Variants in NCK1 observed in about 807,000 individuals in gnomAD.
NCK1 encodes the protein NCK adaptor protein 1.
NCK1 carries 19 observed loss-of-function variants against 36.6 expected under a neutral mutation model. That is an observed-to-expected ratio of 0.52 (90% CI 0.36 to 0.76). NCK1 has a LOEUF of 0.76. Among genes scored for constraint, NCK1 ranks in the 30% least tolerant of loss-of-function variants. The pLI is 0.00. For synonymous variants in NCK1, 165 were observed against 156.0 expected, an observed-to-expected ratio of 1.06 and a Z score of -0.43; for missense variants, 358 against 445.6, an observed-to-expected ratio of 0.80 and a Z score of 1.77.
At chr3:136,927,773 C>T (rs1466661624) in intron 1 of NCK1, among the ~76,000 whole-genome samples, 1 of 152,096 alleles carries the variant, frequency 6.6e-6, no homozygotes, top group African/African-American at 2.4e-5. Flanking sequence ...CCTGCCTTGG[C>T]CTCCCAAAGT....
intron 1 of NCK1, among the ~76,000 whole-genome samples, chr3:136,922,212 C>A (rs935976124): frequency 6.6e-6 from 1 of 152,168 alleles, no homozygotes; most frequent in Non-Finnish European, 1.5e-5. Flanking sequence ...TTAGGCCCAC[C>A]AATGTTTGGC....
chr3:136,904,117 T>C (rs938194892), intron 1 of NCK1, among the ~76,000 whole-genome samples: 1 of 152,160 alleles, frequency 6.6e-6, no homozygotes, highest in African/African-American at 2.4e-5. Flanking sequence ...CTGGGTATAG[T>C]ATCCTTGACT....
rs1461252795 is a variant in NCK1, at chr3:136,867,150, T to C, written c.-19+4797T>C. On this transcript the variant is annotated intron_variant, in intron 1 of 3. Coordinates refer to ENST00000481752, the MANE Select transcript of NCK1 (RefSeq NM_001291999.2). The stretch of plus-strand genomic sequence containing the variant: ...TTTCTTTCCTTCCTTCCTTCCTTCC[T>C]TCCTTCCTTCCTTCCTTCCTTCCTT... Among the ~76,000 whole-genome samples the C allele has an allele frequency of 5.0e-5, 3 of 59,960 alleles. 1 individual carries two copies. The highest frequency in any genetic ancestry group is 1.7e-4 in the African/African-American group (3 of 18,176). 39.3% of individuals were successfully genotyped at this position (59,960 alleles called of 152,430 possible). A position where few individuals can be genotyped will look rare whatever the true frequency, so the allele number is the denominator to read the frequency against.
At chr3:136,914,452 GA>G (rs2108114873) in intron 1 of NCK1, among the ~76,000 whole-genome samples, 1 of 152,288 alleles carries the variant, frequency 6.6e-6, no homozygotes, top group South Asian at 2.1e-4. Context: ...TCTAGGTGGA[GA>G]GAAGATTCTT....
chr3:136,874,886 G>A (rs903999772), intron 1 of NCK1, among the ~76,000 whole-genome samples: 4 of 152,062 alleles, frequency 2.6e-5, no homozygotes, highest in African/African-American at 9.7e-5. Context: ...AATTCTGAAG[G>A]CCTTGCTGCA....
At chr3:136,944,214 G>A (rs1940751930) in intron 2 of NCK1, among the ~76,000 whole-genome samples, 1 of 146,184 alleles carries the variant, frequency 6.8e-6, no homozygotes, top group Non-Finnish European at 1.5e-5. Flanking sequence ...CGCCTGCCAG[G>A]TTCAAACGAT....
intron 2 of NCK1, among the ~76,000 whole-genome samples, chr3:136,934,719 A>C (rs1940484340): frequency 6.6e-6 from 1 of 152,224 alleles, no homozygotes; most frequent in South Asian, 2.1e-4. Context: ...TTAGAAATAA[A>C]AAAGATTAAA....
At chr3:136,898,824 C>G (rs137935360) in intron 1 of NCK1, among the ~76,000 whole-genome samples, 1 of 152,092 alleles carries the variant, frequency 6.6e-6, no homozygotes, top group Non-Finnish European at 1.5e-5. Context: ...GTCAAACTGA[C>G]AGGAAAATAG....
intron 1 of NCK1, among the ~76,000 whole-genome samples, chr3:136,881,185 G>A (rs1938922507): frequency 6.6e-6 from 1 of 151,980 alleles, no homozygotes; most frequent in East Asian, 1.9e-4. Flanking sequence ...AAGTCAAGCA[G>A]CCATCATCTC....
At chr3:136,911,613 TC>T (rs1356741915) in intron 1 of NCK1, among the ~76,000 whole-genome samples, 2 of 152,224 alleles carry the variant, frequency 1.3e-5, no homozygotes, top group Admixed American at 6.5e-5. Flanking sequence ...TGTCTGGAGT[TC>T]CTTATATATT....
intron 1 of NCK1, among the ~76,000 whole-genome samples, chr3:136,866,402 G>T (rs1938412873): frequency 6.6e-6 from 1 of 151,450 alleles, no homozygotes; most frequent in Non-Finnish European, 1.5e-5. Flanking sequence ...CTGCCTCCCG[G>T]GTTCAAGCGA....
At chr3:136,886,997 C>T (rs185677683) in intron 1 of NCK1, among the ~76,000 whole-genome samples, 1 of 152,132 alleles carries the variant, frequency 6.6e-6, no homozygotes. Context: ...GCAGGTGCCA[C>T]CATGCCCGGC....
chr3:136,869,542 CAAAAG>C (rs1355558478), intron 1 of NCK1, among the ~76,000 whole-genome samples: 2 of 151,494 alleles, frequency 1.3e-5, no homozygotes, highest in Non-Finnish European at 2.9e-5. Context: ...GAGATTGTCT[CAAAAG>C]AAAAAAAAGA....
At chr3:136,865,043 C>T (rs1234789858) in intron 1 of NCK1, among the ~76,000 whole-genome samples, 1 of 151,994 alleles carries the variant, frequency 6.6e-6, no homozygotes, top group African/African-American at 2.4e-5. Context: ...ACTGCAACCT[C>T]TGCCTGCCGG....
rs1385116582 is a variant in NCK1, at chr3:136,949,663, C to G, written c.*1210C>G. The stretch of plus-strand genomic sequence containing the variant: ...ATTTAAATTTAAGTAAAGTAGCCAT[C>G]AGTATTTTAATTGAAAAATACTAAA... On this transcript the variant is annotated 3_prime_UTR_variant, in exon 4 of 4. Transcript: ENST00000481752. The G allele has an allele frequency of 6.6e-6, 1 of 151,886 alleles. No homozygotes were observed. Among genetic ancestry groups the G allele is most frequent in the Non-Finnish European group, 1.5e-5 (1 of 67,882 alleles). The allele number at this position is 151,886 out of a possible 1,614,324, so 9.4% of individuals were successfully genotyped here.
intron 1 of NCK1, among the ~76,000 whole-genome samples, chr3:136,904,546 A>G (rs1194781939): frequency 1.3e-5 from 2 of 152,188 alleles, no homozygotes; most frequent in African/African-American, 4.8e-5. Flanking sequence ...GCGTTCCTTT[A>G]TAAGTGACTA....
intron 1 of NCK1, among the ~76,000 whole-genome samples, chr3:136,893,147 AGTGTGT>A (rs142883729): frequency 3.1e-4 from 13 of 41,936 alleles, no homozygotes; most frequent in African/African-American, 8.7e-4. Context: ...AATATTCCAT[AGTGTGT>A]GTGTGTGTGT....
intron 1 of NCK1, among the ~76,000 whole-genome samples, chr3:136,882,212 G>C (rs1178868849): frequency 6.6e-6 from 1 of 152,022 alleles, no homozygotes; most frequent in Non-Finnish European, 1.5e-5. Context: ...TTTAAAAATA[G>C]TAGCTATCTT....
intron 3 of NCK1, 50 bp from the exon 4 acceptor site, chr3:136,948,209 T>A: frequency 5.7e-6 from 8 of 1,405,460 alleles, no homozygotes; most frequent in Non-Finnish European, 7.7e-6. Context: ...AAAATACTGA[T>A]AGAGGGCTTT....
Sources: gnomAD v4.1 joint callset for allele counts (sites outside exome capture counted in the v4.1 genomes callset) on GRCh38, gnomAD v4.1.1 for gene constraint, MANE v1.5 for transcripts, NCBI Gene and HGNC (gene_info 2026-07-23, HGNC 2026-07-21) for gene names.